The following ASIC2 variants were observed in gnomAD, a reference collection of about 807,000 sequenced individuals.
ASIC2 encodes acid sensing ion channel subunit 2.
Under a neutral mutation model 57.3 loss-of-function variants are expected in ASIC2, and 25 were observed. The ratio of observed to expected loss-of-function variants is 0.44; its 90% CI spans 0.32 to 0.61. The LOEUF is 0.61. Ranked by LOEUF, ASIC2 falls within the 20% of genes least tolerant of loss-of-function variation. The probability of loss-of-function intolerance (pLI) is 0.06; values close to 1 mark genes in which losing one functional copy is unlikely to be tolerated. For synonymous variants in ASIC2, 319 were observed against 307.5 expected (o/e 1.04, Z -0.39); for missense variants, 641 against 738.1 (o/e 0.87, Z 1.52).
At chr17:34,007,110 T>C (rs1015024448) in intron 1 of ASIC2, among the ~76,000 whole-genome samples, 2 of 152,212 alleles carry the variant, frequency 1.3e-5, no homozygotes, top group Admixed American at 1.3e-4. Flanking sequence ...ATGGCATCTT[T>C]TCCTGGAAGG....
At chr17:33,559,574 G>T (rs1324656632) in intron 1 of ASIC2, among the ~76,000 whole-genome samples, 6 of 152,138 alleles carry the variant, frequency 3.9e-5, no homozygotes, top group African/African-American at 1.4e-4. Context: ...GTCACTTATG[G>T]CAGAGGGCTA....
chr17:33,038,993 G>A (rs368754023), intron 3 of ASIC2, among the ~76,000 whole-genome samples: 1 of 152,296 alleles, frequency 6.6e-6, no homozygotes, highest in African/African-American at 2.4e-5. Flanking sequence ...ACACTCTGAG[G>A]CTTTGACTTA....
At chr17:33,156,452 T>C (rs1187391670) in intron 1 of ASIC2, among the ~76,000 whole-genome samples, 1 of 152,026 alleles carries the variant, frequency 6.6e-6, no homozygotes, top group Non-Finnish European at 1.5e-5. Flanking sequence ...GATCAGCTTT[T>C]AAAAATAATC....
At chr17:34,078,129 T>G (rs1267642813) in intron 1 of ASIC2, among the ~76,000 whole-genome samples, 2 of 152,142 alleles carry the variant, frequency 1.3e-5, no homozygotes, top group Non-Finnish European at 2.9e-5. Flanking sequence ...CCTCCATCCC[T>G]AGAGAAGCAT....
chr17:33,662,494 GCA>G (rs1349194983), intron 1 of ASIC2, among the ~76,000 whole-genome samples: 13 of 151,146 alleles, frequency 8.6e-5, no homozygotes, highest in Admixed American at 8.6e-4. Context: ...GGTGGGGGGG[GCA>G]CCTGTAATCC....
chr17:33,577,848 C>G (rs895904250), intron 1 of ASIC2, among the ~76,000 whole-genome samples: 1 of 152,178 alleles, frequency 6.6e-6, no homozygotes, highest in African/African-American at 2.4e-5. Flanking sequence ...CCTAGGGCCT[C>G]TCCAAAGGAG....
chr17:34,146,219 G>C (rs141120078), intron 1 of ASIC2, among the ~76,000 whole-genome samples: 2 of 152,116 alleles, frequency 1.3e-5, no homozygotes, highest in Admixed American at 6.5e-5. Flanking sequence ...AATTGTTATC[G>C]CCGTCTTGAG....
chr17:33,823,749 A>G (rs1280800482), intron 1 of ASIC2, among the ~76,000 whole-genome samples: 3 of 152,194 alleles, frequency 2.0e-5, no homozygotes, highest in Non-Finnish European at 4.4e-5. Context: ...TGGGTACTCC[A>G]TACACTGTTC....
intron 3 of ASIC2, among the ~76,000 whole-genome samples, chr17:33,046,119 T>G (rs887496681): frequency 2.0e-5 from 3 of 152,278 alleles, no homozygotes; most frequent in Middle Eastern, 6.8e-3. Context: ...CATCTTCAAT[T>G]CCCATCATTC....
At chr17:33,237,306 G>A (rs2142115134) in intron 1 of ASIC2, among the ~76,000 whole-genome samples, 1 of 152,206 alleles carries the variant, frequency 6.6e-6, no homozygotes, top group Admixed American at 6.5e-5. Context: ...GGTGGGAGAA[G>A]GTATTGGTCT....
At chr17:33,362,828 T>G (rs1028925594) in intron 1 of ASIC2, among the ~76,000 whole-genome samples, 2 of 152,218 alleles carry the variant, frequency 1.3e-5, no homozygotes, top group Admixed American at 1.3e-4. Flanking sequence ...GAGCATCTAC[T>G]GAATAAGCAA....
chr17:33,799,427 C>CTTTCTTCTTTCTTTCTTTCT (rs11439080), intron 1 of ASIC2, among the ~76,000 whole-genome samples: 3 of 84,058 alleles, frequency 3.6e-5, no homozygotes, highest in Non-Finnish European at 7.2e-5. Context: ...TTCTTTCTTT[C>CTTTCTTCTTTCTTTCTTTCT]TTCTTTCTTT....
chr17:33,567,600 C>A (rs1389082737), intron 1 of ASIC2, among the ~76,000 whole-genome samples: 1 of 152,146 alleles, frequency 6.6e-6, no homozygotes, highest in African/African-American at 2.4e-5. Context: ...GGCCTGGGGC[C>A]TCCTGTGGAG....
intron 1 of ASIC2, among the ~76,000 whole-genome samples, chr17:33,788,595 C>A (rs936215469): frequency 2.0e-5 from 3 of 152,136 alleles, no homozygotes; most frequent in African/African-American, 7.2e-5. Context: ...TATAAAGACT[C>A]ATGGACGCAT....
chr17:33,715,734 CT>C (rs1362294112), intron 1 of ASIC2, among the ~76,000 whole-genome samples: 1 of 152,182 alleles, frequency 6.6e-6, no homozygotes, highest in Non-Finnish European at 1.5e-5. Context: ...TCTTTTCCAT[CT>C]CTTTCAGCAA....
chr17:33,977,167 C>T (rs1032074024), intron 1 of ASIC2, among the ~76,000 whole-genome samples: 11 of 151,974 alleles, frequency 7.2e-5, no homozygotes, highest in East Asian at 1.9e-4. Flanking sequence ...GAAGAGGGCT[C>T]GTCAATTCCA....
chr17:33,419,800 C>T (rs894882954), intron 1 of ASIC2, among the ~76,000 whole-genome samples: 2 of 151,746 alleles, frequency 1.3e-5, no homozygotes, highest in Non-Finnish European at 2.9e-5. Context: ...GATGGACTAA[C>T]ATACAAACTT....
At chr17:33,800,891 CTT>C (rs2142145510) in intron 1 of ASIC2, among the ~76,000 whole-genome samples, 1 of 152,240 alleles carries the variant, frequency 6.6e-6, no homozygotes, top group East Asian at 1.9e-4. Context: ...CATTAAGAAA[CTT>C]TCTTAATGTC....
chr17:33,655,398 T>C (rs1907047243), intron 1 of ASIC2, among the ~76,000 whole-genome samples: 2 of 152,228 alleles, frequency 1.3e-5, no homozygotes, highest in South Asian at 4.1e-4. Flanking sequence ...ATTGCTCTGA[T>C]TCAGATTCAT....
Sources: gnomAD v4.1 joint callset for allele counts (sites outside exome capture counted in the v4.1 genomes callset) on GRCh38, gnomAD v4.1.1 for gene constraint, MANE v1.5 for transcripts, NCBI Gene and HGNC (gene_info 2026-07-23, HGNC 2026-07-21) for gene names.